Variants in ITK observed in about 807,000 individuals in gnomAD.
ITK encodes the protein IL2 inducible T cell kinase.
Under a neutral mutation model 87.6 loss-of-function variants are expected in ITK, and 45 were observed. The ratio of observed to expected loss-of-function variants is 0.51; its 90% confidence interval spans 0.40 to 0.66. ITK has a LOEUF of 0.66. Among genes scored for constraint, ITK ranks in the 30% least tolerant of loss-of-function variants. The probability of loss-of-function intolerance (pLI) is 0.00; values close to 1 mark genes in which losing one functional copy is unlikely to be tolerated. For missense variants in ITK, 605 were observed against 766.3 expected, an observed-to-expected ratio of 0.79 and a Z score of 2.48; for synonymous variants, 303 against 273.6, an observed-to-expected ratio of 1.11 and a Z score of -1.06.
intron 8 of ITK, among the ~76,000 whole-genome samples, chr5:157,232,607 G>C (rs77281050): frequency 5.7e-5 from 5 of 88,032 alleles, no homozygotes; most frequent in South Asian, 1.3e-3. Context: ...GGGAGGGAGG[G>C]AGGGAGGGAA....
intron 13 of ITK, 45 bp from the exon 14 acceptor site, chr5:157,245,681 T>TC: frequency 1.3e-6 from 2 of 1,513,800 alleles, no homozygotes; most frequent in Non-Finnish European, 1.8e-6. Context: ...TGATGACTCA[T>TC]CAACAGTTTT....
intron 8 of ITK, among the ~76,000 whole-genome samples, chr5:157,233,589 G>A (rs1322960638): frequency 2.6e-5 from 4 of 152,214 alleles, no homozygotes; most frequent in East Asian, 1.9e-4. Context: ...GTTAGTTCCC[G>A]GGAATCTGTA....
Position 157,253,961 on chromosome 5 carries a change from T to C in ITK, c.*1283T>C, listed in dbSNP as rs1222978291. The stretch of plus-strand genomic sequence containing the variant: ...GGTTCACATCCCCATGAGGTAATAT[T>C]ATTATTCCCATTTTACAAATAATGT... On this transcript the variant is annotated 3_prime_UTR_variant, in exon 17 of 17. Transcript: ENST00000422843. 4.5e-6 allele frequency: 1 copy of C among 222,266 alleles called. No homozygotes were observed. The highest frequency in any genetic ancestry group is 1.4e-3 in the Middle Eastern group (1 of 736). 13.8% of individuals were successfully genotyped at this position (222,266 alleles called of 1,614,324 possible).
rs755924629 is a variant in ITK, at chr5:157,217,886, T to G, written c.474T>G (p.Pro158=). Residue 158 remains proline, a synonymous_variant, in exon 5 of 17, where the codon CCT becomes CCG. Transcript: ENST00000422843. The part of the protein sequence containing the change: ...PTKNASKKPL[P]PTPEDNRRPL... ...TTTCAGCTTCAAAGAAGCCTCTTCC[T>G]CCTACTCCTGAAGACAACAGGGTGA... 2.4e-5 allele frequency: 38 copies of G among 1,613,972 alleles called. No homozygotes were observed. The highest frequency in any genetic ancestry group is 3.0e-5 in the Non-Finnish European group (35 of 1,179,956).
intron 6 of ITK, chr5:157,224,373 G>A (rs895018243): frequency 6.6e-6 from 1 of 150,818 alleles, no homozygotes; most frequent in African/African-American, 2.4e-5. Flanking sequence ...TTTTTCACTT[G>A]TACCAAGTGG....
At position 157,214,266 on chromosome 5, in the gene ITK, C is replaced by T; in HGVS notation, c.401C>T (p.Ser134Phe). Residue 134 changes from serine to phenylalanine, a missense_variant, in exon 4 of 17, where the codon TCT becomes TTT. Around this residue, in one of 3 missense-constraint regions of ITK, gnomAD observed 464 missense variants for 578.0 expected, o/e 0.80. Coordinates refer to ENST00000422843, the MANE Select transcript of ITK (RefSeq NM_005546.4). ...FWMDGKWRCC[S>F]QLEKLATGCA... ...ATGGATGGGAAGTGGAGGTGCTGTT[C>T]TCAGCTGGAGAAGCTTGCAACAGGC... The T allele has an allele frequency of 6.2e-7, 1 of 1,611,512 alleles. No homozygotes were observed. The highest frequency in any genetic ancestry group is 2.2e-5 in the East Asian group (1 of 44,876).
At chr5:157,217,794 C>T (rs1278556886) in intron 4 of ITK, 73 bp from the exon 5 acceptor site, 10 of 1,374,126 alleles carry the variant, frequency 7.3e-6, no homozygotes, top group Non-Finnish European at 1.0e-5. Flanking sequence ...GAAAAACCCC[C>T]TGGCTGCTCA....
chr5:157,217,248 G>A (rs190110505), intron 4 of ITK, among the ~76,000 whole-genome samples: 2 of 152,222 alleles, frequency 1.3e-5, no homozygotes, highest in Non-Finnish European at 2.9e-5. Context: ...GAAGAGAGAG[G>A]AGAGCTAAAC....
intron 6 of ITK, 31 bp downstream of exon 6, chr5:157,223,045 G>T: frequency 6.2e-7 from 1 of 1,613,518 alleles, no homozygotes; most frequent in Non-Finnish European, 8.5e-7. Context: ...CTGTCCCCGT[G>T]TTTGAGGTGT....
chr5:157,229,770 C>T lies in ITK; in HGVS notation c.713+1409C>T, dbSNP rs772213408. On this transcript the variant is annotated intron_variant, in intron 7 of 16. Transcript: ENST00000422843. ...TCTCTACTAAAAATACAGAATTATC[C>T]GGGTGTGATGGCACACGCCTGTAGT... Among the ~76,000 whole-genome samples, 8 of 152,086 alleles carry T rather than the reference C, an allele frequency of 5.3e-5. No homozygotes were observed. The East Asian group carries it at 5.8e-4, about 11-fold the overall frequency.
intron 1 of ITK, chr5:157,195,684 T>C (rs947348061): frequency 6.6e-6 from 1 of 152,222 alleles, no homozygotes; most frequent in African/African-American, 2.4e-5. Flanking sequence ...CTAATAAACA[T>C]TCTTCTTTTC....
At position 157,253,968 on chromosome 5, in the gene ITK, C is replaced by G. The variant is rs1755201963; in HGVS notation, c.*1290C>G. ...ATCCCCATGAGGTAATATTATTATT[C>G]CCATTTTACAAATAATGTAACTGAG... On this transcript the variant is annotated 3_prime_UTR_variant, in exon 17 of 17. Coordinates refer to ENST00000422843, the MANE Select transcript of ITK (RefSeq NM_005546.4). The G allele has an allele frequency of 4.5e-6, 1 of 222,626 alleles. No homozygotes were observed. The highest frequency in any genetic ancestry group is 1.8e-4 in the South Asian group (1 of 5,456). 13.8% of individuals were successfully genotyped at this position (222,626 alleles called of 1,614,324 possible).
At chr5:157,219,661 G>A (rs894670109) in intron 5 of ITK, among the ~76,000 whole-genome samples, 6 of 152,204 alleles carry the variant, frequency 3.9e-5, no homozygotes, top group Non-Finnish European at 8.8e-5. Context: ...TACTGAAACT[G>A]TAGCAGAGAA....
chr5:157,250,196 A>C (rs188882171), intron 16 of ITK, among the ~76,000 whole-genome samples: 15 of 152,280 alleles, frequency 9.9e-5, no homozygotes, highest in African/African-American at 3.4e-4. Flanking sequence ...TGCACTAAAA[A>C]TCTCCTGTGC....
intron 1 of ITK, chr5:157,195,087 A>G (rs1001493015): frequency 1.3e-5 from 2 of 152,300 alleles, no homozygotes; most frequent in African/African-American, 2.4e-5. Context: ...ATTAATAGAT[A>G]TAAGCACAGA....
At chr5:157,181,503 A>G (rs576936703) in intron 1 of ITK, among the ~76,000 whole-genome samples, 1 of 152,230 alleles carries the variant, frequency 6.6e-6, no homozygotes, top group Non-Finnish European at 1.5e-5. Flanking sequence ...TTAATACAAC[A>G]CTAGCATTCA....
intron 4 of ITK, among the ~76,000 whole-genome samples, chr5:157,214,670 C>T (rs903450014): frequency 6.6e-6 from 1 of 151,848 alleles, no homozygotes; most frequent in African/African-American, 2.4e-5. Flanking sequence ...GTTTGAGGAG[C>T]CCTGCTATAA....
At chr5:157,218,393 G>A (rs1176149539) in intron 5 of ITK, among the ~76,000 whole-genome samples, 2 of 151,696 alleles carry the variant, frequency 1.3e-5, no homozygotes, top group African/African-American at 4.8e-5. Context: ...TGTAGTCACA[G>A]CTACTTAGCA....
chr5:157,213,371 G>A (rs899903239), intron 3 of ITK, among the ~76,000 whole-genome samples: 1 of 152,138 alleles, frequency 6.6e-6, no homozygotes, highest in African/African-American at 2.4e-5. Context: ...TGAGATTTGG[G>A]TGGGGACACA....
Sources: allele counts gnomAD v4.1 joint callset (sites outside exome capture counted in the v4.1 genomes callset), GRCh38; gene constraint gnomAD v4.1.1; regional missense constraint gnomAD v4.1.1; transcripts MANE v1.5; gene names NCBI Gene and HGNC (gene_info 2026-07-23, HGNC 2026-07-21).